RNF103: variants seen among roughly 807,000 people sequenced by gnomAD.
RNF103 encodes the protein ring finger protein 103.
In RNF103, 23 loss-of-function variants were observed where a neutral mutation model predicts 66.2. The ratio of observed to expected loss-of-function variants is 0.35; its 90% confidence interval spans 0.25 to 0.49. The LOEUF is 0.49. RNF103 is among the 20% of genes least tolerant of loss of function. The pLI, the probability that RNF103 is intolerant of heterozygous loss-of-function variation, is 0.98. For missense variants in RNF103, 730 were observed against 814.7 expected (o/e 0.90, Z 1.27); for synonymous variants, 297 against 289.9 (o/e 1.02, Z -0.25).
In RNF103 at chr2:86,623,418, C is replaced by G. The variant is rs1290924621; in HGVS notation, c.-532G>C. The G allele has an allele frequency of 3.1e-6, 3 of 981,052 alleles. No individual in the cohort carries two copies. The East Asian group carries it at 3.5e-4, about 113-fold the overall frequency. 60.8% of individuals were successfully genotyped at this position (981,052 alleles called of 1,614,324 possible). On this transcript the variant is annotated 5_prime_UTR_variant, in exon 1 of 4. Coordinates refer to ENST00000237455, the MANE Select transcript of RNF103 (RefSeq NM_005667.4). ...CCGCGGGTCAGGAGGGCGCGGCGCTCGGCCGGGCCAGGCCCGGGGCCCAGC... is the reference window on the plus strand; with the variant it reads ...CCGCGGGTCAGGAGGGCGCGGCGCTGGGCCGGGCCAGGCCCGGGGCCCAGC...
intron 1 of RNF103, among the ~76,000 whole-genome samples, chr2:86,620,798 CTTAA>C (rs746936336): frequency 7.2e-5 from 11 of 152,112 alleles, no homozygotes; most frequent in African/African-American, 2.4e-4. Context: ...GCACAACTTT[CTTAA>C]TTATTTAGTT....
chr2:86,614,967 T>A (rs1678961168), intron 2 of RNF103: 1 of 985,324 alleles, frequency 1.0e-6, no homozygotes. Flanking sequence ...CTCGCCAGTG[T>A]AAATATTTAG....
At position 86,603,660 on chromosome 2, in the gene RNF103, G is replaced by A. The variant is rs1269996167; in HGVS notation, c.*183C>T. The A allele has an allele frequency of 9.2e-6, 7 of 760,298 alleles. No individual in the cohort carries two copies. Among genetic ancestry groups the A allele is most frequent in the Non-Finnish European group, 1.4e-5 (7 of 509,118 alleles). 47.1% of individuals were successfully genotyped at this position (760,298 alleles called of 1,614,324 possible). A position where few individuals can be genotyped will look rare whatever the true frequency, so the allele number is the denominator to read the frequency against. On this transcript the variant is annotated 3_prime_UTR_variant, in exon 4 of 4. Transcript: ENST00000237455. ...TGTAAATAAAAAAATTTTACAATTA[G>A]GTATGCATTCAATTAACACACAAGG... is the stretch of plus-strand genomic sequence containing the variant.
intron 3 of RNF103, among the ~76,000 whole-genome samples, chr2:86,608,155 G>T (rs1369631078): frequency 6.6e-6 from 1 of 152,120 alleles, no homozygotes; most frequent in Non-Finnish European, 1.5e-5. Context: ...AATATGCCTT[G>T]TGAGTTTTGG....
chr2:86,615,520 T>TTACATATATATATATATA (rs1678980757), intron 2 of RNF103, among the ~76,000 whole-genome samples: 1 of 142,312 alleles, frequency 7.0e-6, no homozygotes, highest in East Asian at 2.1e-4. Flanking sequence ...TACATATGCC[T>TTACATATATATATATATA]TATATATATA....
At chr2:86,622,465 C>G (rs1365804838) in intron 1 of RNF103, among the ~76,000 whole-genome samples, 196 bp downstream of exon 1, 1 of 152,226 alleles carries the variant, frequency 6.6e-6, no homozygotes, top group Non-Finnish European at 1.5e-5. Context: ...TACACCAACA[C>G]TCCTCCAAAT....
intron 2 of RNF103, chr2:86,612,841 A>G (rs1159108028): frequency 6.6e-6 from 1 of 152,284 alleles, no homozygotes; most frequent in Non-Finnish European, 1.5e-5. Flanking sequence ...CTAACATACA[A>G]TAAGAATTAC....
At chr2:86,622,587 C>G (rs1004687609) in intron 1 of RNF103, 74 bp downstream of exon 1, 15 of 1,457,778 alleles carry the variant, frequency 1.0e-5, no homozygotes, top group Non-Finnish European at 1.4e-5. Context: ...TCTGGGGGAA[C>G]AGCCAGGTAC....
intron 2 of RNF103, among the ~76,000 whole-genome samples, chr2:86,619,380 A>C (rs1679140092): frequency 6.6e-6 from 1 of 152,190 alleles, no homozygotes; most frequent in Admixed American, 6.5e-5. Flanking sequence ...AGTACCAGTC[A>C]AGAAATCAGA....
In RNF103 at chr2:86,604,289, C is replaced by T; in HGVS notation, c.1612G>A (p.Asp538Asn). 1 of 1,614,240 alleles carries T rather than the reference C, an allele frequency of 6.2e-7. No individual in the cohort carries two copies. The highest frequency in any genetic ancestry group is 8.5e-7 in the Non-Finnish European group (1 of 1,180,040). The change falls in exon 4 of 4, where the codon GAC (aspartate) becomes AAC (asparagine). Residue 538 changes from aspartate to asparagine, a missense_variant. Physicochemically the swap from Asp to Asn is conservative, Grantham distance 23. Around this residue, in one of 3 missense-constraint regions of RNF103, gnomAD observed 355 missense variants for 351.9 expected, o/e 1.01. Transcript: ENST00000237455. ...GTGTCTGTGTTCTCACTTTCCGAGT[C>T]ATTTTCAGTATCTTGAGACCCCTCC... is the stretch of plus-strand genomic sequence containing the variant. The part of the protein sequence containing the change: ...MSEGSQDTEN[D>N]SESENTDTLS...
rs1001758362 is a variant in RNF103 at position 86,603,501 on chromosome 2, G to A, written c.*342C>T. 11 of 231,230 alleles carry A rather than the reference G, an allele frequency of 4.8e-5. 1 individual carries two copies. The South Asian group carries it at 9.6e-4, about 20-fold the overall frequency. The allele number at this position is 231,230 out of a possible 1,614,324, so 14.3% of individuals were successfully genotyped here. A position where few individuals can be genotyped will look rare whatever the true frequency, so the allele number is the denominator to read the frequency against. On this transcript the variant is annotated 3_prime_UTR_variant, in exon 4 of 4. Transcript: ENST00000237455. ...GCTGGACAGAGATTGTAAAAAGGGA[G>A]GAAACATTTAGGATAAGAAACCGGC...
intron 2 of RNF103, chr2:86,614,109 C>G (rs1026974273): frequency 6.6e-6 from 1 of 151,964 alleles, no homozygotes; most frequent in African/African-American, 2.4e-5. Context: ...TTTGATAGTA[C>G]TTTTTAATGA....
At chr2:86,612,555 C>G (rs1436725451) in intron 2 of RNF103, 1 of 236,360 alleles carries the variant, frequency 4.2e-6, no homozygotes, top group Non-Finnish European at 8.1e-6. Context: ...TAGCCACATT[C>G]TCCACCATGT....
At chr2:86,610,331 T>A (rs1009715306) in intron 3 of RNF103, among the ~76,000 whole-genome samples, 1 of 152,236 alleles carries the variant, frequency 6.6e-6, no homozygotes, top group Non-Finnish European at 1.5e-5. Context: ...CTTGTATGTA[T>A]CTCTTCACCA....
rs1678836140 is a variant in RNF103 at position 86,612,437 on chromosome 2, A to G, written c.367-163T>C. On this transcript the variant is annotated intron_variant, in intron 2 of 3. Transcript: ENST00000237455. Reference sequence around the variant, plus strand: ...TCATTACAATTCTTATAGAAGGAGCAACTATCCAATAGGAAAAAGACTTGA... The same window carrying G: ...TCATTACAATTCTTATAGAAGGAGCGACTATCCAATAGGAAAAAGACTTGA... The G allele has an allele frequency of 2.0e-5, 11 of 549,566 alleles. No homozygotes were observed. In the East Asian group the frequency reaches 3.1e-4, roughly 16 times the overall value. 34.0% of individuals were successfully genotyped at this position (549,566 alleles called of 1,614,324 possible).
At chr2:86,617,085 T>C (rs1679050431) in intron 2 of RNF103, 1 of 985,236 alleles carries the variant, frequency 1.0e-6, no homozygotes, top group Admixed American at 6.1e-5. Flanking sequence ...GAGCACTTGG[T>C]TCTACATGTA....
intron 3 of RNF103, among the ~76,000 whole-genome samples, chr2:86,606,662 CAAAAAAAAAAAAAA>C (rs200897796): frequency 1.0e-5 from 1 of 97,420 alleles, no homozygotes; most frequent in African/African-American, 4.8e-5. Flanking sequence ...AACTTCGTCT[CAAAAAAAAAAAAAA>C]AAAAAAAAAA....
At chr2:86,621,211 T>C (rs1193696516) in intron 1 of RNF103, among the ~76,000 whole-genome samples, 2 of 152,196 alleles carry the variant, frequency 1.3e-5, no homozygotes, top group South Asian at 2.1e-4. Context: ...ATTTGAGTCA[T>C]ACTGGGCTGT....
Position 86,623,277 on chromosome 2 carries a change from G to A in RNF103, c.-391C>T. 1.0e-6 allele frequency: 1 copy of A among 996,560 alleles called. No individual in the cohort carries two copies. The highest frequency in any genetic ancestry group is 1.2e-6 in the Non-Finnish European group (1 of 838,336). 61.7% of individuals were successfully genotyped at this position (996,560 alleles called of 1,614,324 possible). A position where few individuals can be genotyped will look rare whatever the true frequency, so the allele number is the denominator to read the frequency against. ...CCCAGGTGGCGGGGTCGGCCCTCCG[G>A]TGCCGCGATCTCAAGGGGGAGGGGG... On this transcript the variant is annotated 5_prime_UTR_variant, in exon 1 of 4. Transcript: ENST00000237455.
Sources: gnomAD v4.1 joint callset for allele counts (sites outside exome capture counted in the v4.1 genomes callset) on GRCh38, gnomAD v4.1.1 for gene constraint, gnomAD v4.1.1 regional missense constraint, MANE v1.5 for transcripts, NCBI Gene and HGNC (gene_info 2026-07-23, HGNC 2026-07-21) for gene names.